Variants in CRKL observed in about 807,000 individuals in gnomAD.
The protein encoded by CRKL is crk-like protein.
A neutral mutation model predicts 23.0 loss-of-function variants in CRKL; 3 were observed. The ratio of observed to expected loss-of-function variants is 0.13; its 90% confidence interval spans 0.06 to 0.34. The LOEUF (loss-of-function observed/expected upper bound fraction) is 0.34. CRKL is among the 10% of genes least tolerant of loss of function. The pLI is 1.00. For missense variants in CRKL, 256 were observed against 394.5 expected (o/e 0.65, Z 2.97); for synonymous variants, 188 against 160.7 (o/e 1.17, Z -1.28).
chr22:20,923,281 A>AT lies in CRKL; in HGVS notation c.311+5049dup, dbSNP rs762552627. On this transcript the variant is annotated intron_variant, in intron 1 of 2. Coordinates refer to ENST00000354336, the MANE Select transcript of CRKL (RefSeq NM_005207.4). ...GAGCTTACTGGTTACTAAAAAAAAA[A>AT]TTTTTTTTTTTTTGAGACGGAGTCT... Among the ~76,000 whole-genome samples the AT allele has an allele frequency of 9.0e-3, 1,319 of 145,848 alleles. 14 individuals carry two copies. Among genetic ancestry groups the AT allele is most frequent in the East Asian group, 0.072 (360 of 4,982 alleles).
In CRKL at chr22:20,938,206, A is replaced by G. The variant is rs867599541; in HGVS notation, c.777+3962A>G. Among the ~76,000 whole-genome samples the G allele has an allele frequency of 2.1e-4, 32 of 152,242 alleles. 1 individual carries two copies. Among genetic ancestry groups the G allele is most frequent in the Admixed American group, 5.9e-4 (9 of 15,278 alleles). ...ATTCCCCTAGATAGTATTACAGAGA[A>G]TGATGATGGCTTAGGTGACTTTATT... On this transcript the variant is annotated intron_variant, in intron 2 of 2. Coordinates refer to ENST00000354336, the MANE Select transcript of CRKL (RefSeq NM_005207.4).
chr22:20,919,090 C>A (rs1437886208), intron 1 of CRKL, among the ~76,000 whole-genome samples: 1 of 151,328 alleles, frequency 6.6e-6, no homozygotes, highest in Non-Finnish European at 1.5e-5. Flanking sequence ...TTGGAACAGT[C>A]AAAAAAATGA....
Position 20,933,872 on chromosome 22 carries a change from T to A in CRKL, c.405T>A (p.Pro135=). ...LEYVRTLYDF[P]GNDAEDLPFK... is the part of the protein sequence containing the mutation. ...ATGTACGGACTCTGTATGATTTTCC[T>A]GGGAATGATGCCGAAGACCTGCCCT... Residue 135 remains proline, a synonymous_variant, in exon 2 of 3, where the codon CCT becomes CCA. Coordinates refer to ENST00000354336, the MANE Select transcript of CRKL (RefSeq NM_005207.4). 1 of 1,614,130 alleles carries A rather than the reference T, an allele frequency of 6.2e-7. No individual in the cohort carries two copies. Among genetic ancestry groups the A allele is most frequent in the African/African-American group, 1.3e-5 (1 of 74,996 alleles).
intron 2 of CRKL, among the ~76,000 whole-genome samples, chr22:20,945,822 T>G (rs1922036969): frequency 6.6e-6 from 1 of 150,668 alleles, no homozygotes; most frequent in East Asian, 1.9e-4. Flanking sequence ...CTCTGTTGTA[T>G]CTCTTCACGG....
At chr22:20,941,718 C>T (rs1921892163) in intron 2 of CRKL, among the ~76,000 whole-genome samples, 1 of 149,410 alleles carries the variant, frequency 6.7e-6, no homozygotes, top group East Asian at 2.0e-4. Flanking sequence ...CTCAGCCTCC[C>T]GAGTAGCTGG....
Position 20,917,790 on chromosome 22 carries a change from A to C in CRKL, c.-145A>C. The C allele has an allele frequency of 1.3e-6, 1 of 770,136 alleles. No homozygotes were observed. The highest frequency in any genetic ancestry group is 2.8e-5 in the East Asian group (1 of 36,104). The allele number at this position is 770,136 out of a possible 1,614,324, so 47.7% of individuals were successfully genotyped here. On this transcript the variant is annotated 5_prime_UTR_variant, in exon 1 of 3. Transcript: ENST00000354336. ...ATGCTGCGGGCCCGGAGCCGAGAGGAAAGTGCTGGCCCAGCCCTCTGAGCG... is the reference window on the plus strand; with the variant it reads ...ATGCTGCGGGCCCGGAGCCGAGAGGCAAGTGCTGGCCCAGCCCTCTGAGCG...
At chr22:20,929,084 T>C (rs572769292) in intron 1 of CRKL, among the ~76,000 whole-genome samples, 22 of 152,282 alleles carry the variant, frequency 1.4e-4, no homozygotes, top group African/African-American at 5.1e-4. Flanking sequence ...AAGTGTGTAG[T>C]GGACAATAGG....
At chr22:20,919,176 G>A (rs1368460040) in intron 1 of CRKL, among the ~76,000 whole-genome samples, 4 of 152,218 alleles carry the variant, frequency 2.6e-5, no homozygotes, top group African/African-American at 9.6e-5. Context: ...GTGGTGCCAA[G>A]TTTGAAGCAG....
intron 1 of CRKL, among the ~76,000 whole-genome samples, chr22:20,922,978 C>G (rs1424213694): frequency 1.3e-5 from 2 of 151,808 alleles, no homozygotes; most frequent in African/African-American, 2.4e-5. Flanking sequence ...TGGCCTAGCT[C>G]TAGTGTATTT....
chr22:20,932,140 G>C (rs1004748471), intron 1 of CRKL, among the ~76,000 whole-genome samples: 1 of 151,872 alleles, frequency 6.6e-6, no homozygotes, highest in Non-Finnish European at 1.5e-5. Context: ...AGACAGTCTT[G>C]TTCTGTTGCC....
intron 2 of CRKL, among the ~76,000 whole-genome samples, chr22:20,944,870 C>T (rs968010348): frequency 6.6e-6 from 1 of 151,960 alleles, no homozygotes; most frequent in East Asian, 1.9e-4. Context: ...CCTGCCACCA[C>T]GCCCAGCTAA....
intron 2 of CRKL, among the ~76,000 whole-genome samples, chr22:20,946,311 G>A (rs1174180135): frequency 6.6e-6 from 1 of 152,126 alleles, no homozygotes; most frequent in African/African-American, 2.4e-5. Context: ...GACAAGTAGG[G>A]CTGTAGGAAA....
chr22:20,923,512 C>T (rs1023889397), intron 1 of CRKL, among the ~76,000 whole-genome samples: 3 of 150,776 alleles, frequency 2.0e-5, no homozygotes, highest in African/African-American at 4.9e-5. Context: ...CTCCTGACCT[C>T]GTGAACCGCC....
intron 2 of CRKL, among the ~76,000 whole-genome samples, chr22:20,935,966 T>C (rs1921643924): frequency 6.6e-6 from 1 of 151,926 alleles, no homozygotes. Flanking sequence ...ACCAGTCTGG[T>C]CACAGACATG....
intron 1 of CRKL, among the ~76,000 whole-genome samples, chr22:20,925,952 C>T (rs1002293835): frequency 2.6e-5 from 4 of 152,084 alleles, no homozygotes; most frequent in African/African-American, 4.8e-5. Context: ...TGATTTTTGT[C>T]TTTGAGAAGC....
chr22:20,941,690 G>C (rs1010700434), intron 2 of CRKL, among the ~76,000 whole-genome samples: 9 of 145,042 alleles, frequency 6.2e-5, no homozygotes, highest in African/African-American at 2.3e-4. Context: ...TGCCTCCCGG[G>C]TTCAAGCAGT....
chr22:20,934,136 T>C lies in CRKL; in HGVS notation c.669T>C (p.Pro223=). Residue 223 remains proline (P), a synonymous_variant, in exon 2 of 3, where the codon CCT becomes CCC. Coordinates refer to ENST00000354336, the MANE Select transcript of CRKL (RefSeq NM_005207.4). The stretch of plus-strand genomic sequence containing the variant: ...CTCTACCTGCAGTTTCCGGTTCTCC[T>C]GGGGCAGCAATCACCCCTTTGCCAT... ...TTPLPAVSGS[P]GAAITPLPST... 2 of 1,614,204 alleles carry C rather than the reference T, an allele frequency of 1.2e-6. No homozygotes were observed. The highest frequency in any genetic ancestry group is 1.7e-6 in the Non-Finnish European group (2 of 1,180,032).
At chr22:20,924,504 C>A (rs540593757) in intron 1 of CRKL, among the ~76,000 whole-genome samples, 8 of 152,084 alleles carry the variant, frequency 5.3e-5, no homozygotes, top group Non-Finnish European at 7.3e-5. Context: ...GTGAATAAAC[C>A]CCTTTGCGTT....
In CRKL at chr22:20,934,054, A is replaced by G. The variant is rs748247058; in HGVS notation, c.587A>G (p.Asn196Ser). 2.3e-5 allele frequency: 37 copies of G among 1,614,082 alleles called. No homozygotes were observed. The highest frequency in any genetic ancestry group is 3.1e-5 in the Non-Finnish European group (36 of 1,180,036). ...GGAAAGCATGGAAATAGGAATTCCA[A>G]CAGTTATGGGATCCCAGAACCTGCT... Reference protein sequence around the residue: ...PHGKHGNRNSNSYGIPEPAHA... With the variant: ...PHGKHGNRNSSSYGIPEPAHA... Residue 196 changes from asparagine (N) to serine (S), a missense_variant, in exon 2 of 3, where the codon AAC (asparagine) becomes AGC (serine). Around this residue, in one of 3 missense-constraint regions of CRKL, gnomAD observed 129 missense variants for 222.1 expected, o/e 0.58. Transcript: ENST00000354336.
Sources: allele counts gnomAD v4.1 joint callset (sites outside exome capture counted in the v4.1 genomes callset), GRCh38; gene constraint gnomAD v4.1.1; regional missense constraint gnomAD v4.1.1; transcripts MANE v1.5; gene names NCBI Gene and HGNC (gene_info 2026-07-23, HGNC 2026-07-21).